TENM3: variants seen among roughly 807,000 people sequenced by gnomAD.
TENM3 encodes teneurin transmembrane protein 3, also known as teneurin-3.
In TENM3, 63 loss-of-function variants were observed where a neutral mutation model predicts 255.1. That is an observed-to-expected ratio of 0.25 (90% CI 0.20 to 0.30). The LOEUF is 0.30. TENM3 is among the 10% of genes least tolerant of loss of function. The probability of loss-of-function intolerance (pLI) is 1.00; values close to 1 mark genes in which losing one functional copy is unlikely to be tolerated. For missense variants in TENM3, 2,929 were observed against 3,461.1 expected (o/e 0.85, Z 3.86); for synonymous variants, 1,306 against 1,322.3 (o/e 0.99, Z 0.27).
chr4:182,243,547 G>A (rs1757421941), intron 1 of TENM3, 71 bp downstream of exon 1: 1 of 152,248 alleles, frequency 6.6e-6, no homozygotes, highest in African/African-American at 2.4e-5. Context: ...AAGAAAAGGA[G>A]GAGAAGATGA....
chr4:181,872,683 C>A, the TENM3 span, among the ~76,000 whole-genome samples: 1 of 151,942 alleles, frequency 6.6e-6, no homozygotes, highest in Non-Finnish European at 1.5e-5. Flanking sequence ...TTTTTGTTTT[C>A]AGATTTTTTT....
At chr4:181,814,958 A>C in the TENM3 span, among the ~76,000 whole-genome samples, 4 of 152,330 alleles carry the variant, frequency 2.6e-5, 1 homozygote, top group South Asian at 8.3e-4. Context: ...AATGAAAAAC[A>C]AAAAGAGTAG....
intron 1 of TENM3, among the ~76,000 whole-genome samples, chr4:182,209,248 G>C (rs185084594): frequency 3.3e-5 from 5 of 150,942 alleles, no homozygotes; most frequent in Non-Finnish European, 7.4e-5. Context: ...GATTACAGGC[G>C]TGAGCCACCG....
At chr4:182,061,804 AATT>A in the TENM3 span, among the ~76,000 whole-genome samples, 1 of 152,028 alleles carries the variant, frequency 6.6e-6, no homozygotes, top group African/African-American at 2.4e-5. Flanking sequence ...ACAAAAAAAA[AATT>A]AAAAATTTGC....
At chr4:181,846,550 T>C in the TENM3 span, among the ~76,000 whole-genome samples, 1 of 152,208 alleles carries the variant, frequency 6.6e-6, no homozygotes, top group African/African-American at 2.4e-5. Flanking sequence ...AAAATGATTA[T>C]TTGAAGATTA....
chr4:182,341,057 G>A (rs1453919505), intron 2 of TENM3, among the ~76,000 whole-genome samples: 1 of 152,096 alleles, frequency 6.6e-6, no homozygotes, highest in African/African-American at 2.4e-5. Context: ...AGGGGAAAAT[G>A]CTCCCATGTA....
the TENM3 span, among the ~76,000 whole-genome samples, chr4:181,512,312 A>C: frequency 6.6e-6 from 1 of 151,790 alleles, no homozygotes; most frequent in African/African-American, 2.4e-5. Context: ...CCTTGAGGCC[A>C]AGGTCTACAC....
At chr4:181,483,354 A>T in the TENM3 span, among the ~76,000 whole-genome samples, 2 of 152,146 alleles carry the variant, frequency 1.3e-5, no homozygotes, top group South Asian at 2.1e-4. Context: ...TCACACTATG[A>T]TGCTAATTGA....
chr4:182,598,282 G>C (rs976341291), intron 3 of TENM3, among the ~76,000 whole-genome samples: 1 of 152,138 alleles, frequency 6.6e-6, no homozygotes, highest in African/African-American at 2.4e-5. Context: ...ATTGAACCTA[G>C]CTTTCATCAG....
chr4:182,701,210 CTTTTTTTTTTTTTTT>C (rs35538818), intron 12 of TENM3, among the ~76,000 whole-genome samples: 14 of 38,668 alleles, frequency 3.6e-4, no homozygotes, highest in Admixed American at 3.0e-3. Flanking sequence ...CAACTCTTGA[CTTTTTTTTTTTTTTT>C]TTTTTTTTTT....
chr4:181,475,672 ACAAAATGAATTTTGTTC>A, the TENM3 span, among the ~76,000 whole-genome samples: 2 of 152,252 alleles, frequency 1.3e-5, no homozygotes, highest in South Asian at 4.1e-4. Flanking sequence ...GATAATCATT[ACAAAATGAATTTTGTTC>A]CTGACTCAAT....
At chr4:182,001,002 C>T in the TENM3 span, among the ~76,000 whole-genome samples, 9 of 130,474 alleles carry the variant, frequency 6.9e-5, no homozygotes, top group Non-Finnish European at 9.6e-5. Flanking sequence ...GTTTTCTTTC[C>T]TTTTTTTTTT....
chr4:181,557,565 T>G, the TENM3 span, among the ~76,000 whole-genome samples: 1 of 152,228 alleles, frequency 6.6e-6, no homozygotes, highest in Non-Finnish European at 1.5e-5. Context: ...CTCACTCTAT[T>G]GCTCAGGTTG....
intron 3 of TENM3, among the ~76,000 whole-genome samples, chr4:182,414,934 G>A (rs1770258889): frequency 6.6e-6 from 1 of 152,200 alleles, no homozygotes; most frequent in Admixed American, 6.5e-5. Context: ...CTGTGACACA[G>A]TAAAACAATT....
intron 3 of TENM3, among the ~76,000 whole-genome samples, chr4:182,504,741 C>G (rs1580767649): frequency 6.6e-6 from 1 of 152,140 alleles, no homozygotes; most frequent in Admixed American, 6.5e-5. Context: ...CTCATAAATG[C>G]AAAAAGCAGC....
At chr4:181,775,241 CCT>C in the TENM3 span, among the ~76,000 whole-genome samples, 3 of 152,268 alleles carry the variant, frequency 2.0e-5, no homozygotes, top group Admixed American at 2.0e-4. Context: ...TCAGCTCACT[CCT>C]CTGGTCTCTT....
the TENM3 span, among the ~76,000 whole-genome samples, chr4:181,836,603 G>A: frequency 5.3e-5 from 8 of 152,054 alleles, no homozygotes; most frequent in East Asian, 1.9e-4. Context: ...CTACACATGC[G>A]TAACTCAGTT....
the TENM3 span, among the ~76,000 whole-genome samples, chr4:181,653,414 G>GTTTGTTTA: frequency 6.6e-6 from 1 of 152,034 alleles, no homozygotes; most frequent in East Asian, 1.9e-4. Flanking sequence ...TTGTTTGTTT[G>GTTTGTTTA]TTTGTTTGTT....
intron 6 of TENM3, among the ~76,000 whole-genome samples, chr4:182,664,570 G>C (rs1358821731): frequency 6.6e-6 from 1 of 152,158 alleles, no homozygotes; most frequent in South Asian, 2.1e-4. Context: ...AAGCTTAGTG[G>C]GGAAGGCATG....
Sources: allele counts gnomAD v4.1 joint callset (sites outside exome capture counted in the v4.1 genomes callset), GRCh38; gene constraint gnomAD v4.1.1; transcripts MANE v1.5; gene names NCBI Gene and HGNC (gene_info 2026-07-23, HGNC 2026-07-21).